Variants in ZNF275 observed in about 807,000 individuals in gnomAD.
ZNF275 encodes the protein zinc finger protein 275.
Under a neutral mutation model 4.3 loss-of-function variants are expected in ZNF275, and 4 were observed. That is an observed-to-expected ratio of 0.93 (90% CI 0.46 to 2.13). The LOEUF is 2.13. Among genes scored for constraint, ZNF275 ranks in the 30% most tolerant of loss-of-function variants. ZNF275 has a pLI of 0.02. For missense variants in ZNF275, 352 were observed against 397.1 expected (o/e 0.89, Z 0.97); for synonymous variants, 173 against 166.9 (o/e 1.04, Z -0.28).
Position 153,347,593 on chromosome X carries a change from G to T in ZNF275, c.908G>T (p.Arg303Leu). Residue 303 changes from arginine to leucine, a missense_variant, in exon 4 of 4, where the codon CGA becomes CTA. Arg to Leu is a moderately radical substitution (Grantham distance 102). Transcript: ENST00000650114. ...YGCPHCGKLF[R>L]RSSELTKHRR... is the part of the protein sequence containing the mutation. ...TGTCCCCACTGCGGCAAGCTCTTCC[G>T]AAGGAGCTCGGAGCTCACCAAGCAC... is the stretch of plus-strand genomic sequence containing the variant. The T allele has an allele frequency of 2.5e-6, 3 of 1,195,159 alleles. No individual in the cohort carries two copies. The highest frequency in any genetic ancestry group is 2.3e-6 in the Non-Finnish European group (2 of 888,217).
rs1556961962 is a variant in ZNF275, at chrX:153,348,464, T to C, written c.*489T>C. On this transcript the variant is annotated 3_prime_UTR_variant, in exon 4 of 4. Coordinates refer to ENST00000650114, the MANE Select transcript of ZNF275 (RefSeq NM_001367757.1). ...TGTCTTAAAATATTTAATTTATTAA[T>C]TTAGTTATACATACATACTGTAAAT... 8.1e-6 allele frequency: 1 copy of C among 123,386 alleles called. No individual in the cohort carries two copies. The highest frequency in any genetic ancestry group is 1.9e-5 in the Non-Finnish European group (1 of 53,350). 10.2% of individuals were successfully genotyped at this position (123,386 alleles called of 1,213,427 possible).
chrX:153,344,184 C>T (rs1556961276), intron 2 of ZNF275: 1 of 330,628 alleles, frequency 3.0e-6, no homozygotes, highest in African/African-American at 2.6e-5. Context: ...CAGGTCCTGG[C>T]AGTCCCTCTT....
Position 153,347,076 on chromosome X carries a change from T to C in ZNF275, c.391T>C (p.Cys131Arg). ...RVHSEEKGWE[C>R]GDCGKVFRGV... ...CCACAGTGAGGAGAAGGGCTGGGAA[T>C]GTGGCGACTGCGGGAAGGTCTTTAG... Residue 131 changes from cysteine (C) to arginine (R), a missense_variant, in exon 4 of 4, where the codon TGT becomes CGT. Coordinates refer to ENST00000650114, the MANE Select transcript of ZNF275 (RefSeq NM_001367757.1). 1 of 1,211,488 alleles carries C rather than the reference T, an allele frequency of 8.3e-7. No homozygotes were observed. The highest frequency in any genetic ancestry group is 1.1e-6 in the Non-Finnish European group (1 of 895,393).
At position 153,348,082 on chromosome X, in the gene ZNF275, G is replaced by A. The variant is rs2088532896; in HGVS notation, c.*107G>A. 1 of 836,031 alleles carries A rather than the reference G, an allele frequency of 1.2e-6. No individual in the cohort carries two copies. The highest frequency in any genetic ancestry group is 2.1e-5 in the African/African-American group (1 of 48,229). The allele number at this position is 836,031 out of a possible 1,213,427, so 68.9% of individuals were successfully genotyped here. On this transcript the variant is annotated 3_prime_UTR_variant, in exon 4 of 4. Transcript: ENST00000650114. Reference sequence around the variant, plus strand: ...GCTTATATATTTTGTCTTCCAAAAGGTTGAGACCGATTTATACTGCCACCA... The same window carrying A: ...GCTTATATATTTTGTCTTCCAAAAGATTGAGACCGATTTATACTGCCACCA...
At chrX:153,344,240 T>A (rs782802171) in intron 2 of ZNF275, 48 of 320,340 alleles carry the variant, frequency 1.5e-4, no homozygotes, top group African/African-American at 1.2e-3. Context: ...CTGCCTTGCT[T>A]GGGATTCTCT....
intron 1 of ZNF275, among the ~76,000 whole-genome samples, chrX:153,334,504 G>T (rs2088430920): frequency 9.0e-6 from 1 of 111,646 alleles, no homozygotes; most frequent in Admixed American, 9.3e-5. Flanking sequence ...GGCAGTTGGA[G>T]AGCTGCTCGG....
chrX:153,336,715 G>A lies in ZNF275; in HGVS notation c.31+5G>A, dbSNP rs782591488. 8.6e-7 allele frequency: 1 copy of A among 1,165,542 alleles called. No individual in the cohort carries two copies. Among genetic ancestry groups the A allele is most frequent in the Admixed American group, 2.6e-5 (1 of 38,508 alleles). The stretch of plus-strand genomic sequence containing the variant: ...ATCCGTGTGTGTCTCTTTTGGGTAA[G>A]TCTGGGTGTTTATGCATGGTGTCTG... On this transcript the variant is annotated splice_donor_5th_base_variant and intron_variant, in intron 2 of 3. Coordinates refer to ENST00000650114, the MANE Select transcript of ZNF275 (RefSeq NM_001367757.1).
chrX:153,335,422 C>CA (rs2088439369), intron 1 of ZNF275: 1 of 108,072 alleles, frequency 9.3e-6, no homozygotes, highest in South Asian at 4.3e-4. Flanking sequence ...CACCTTCCCC[C>CA]AACCCTGCAA....
At chrX:153,344,493 G>T (rs2088499133) in intron 2 of ZNF275, 3 of 309,032 alleles carry the variant, frequency 9.7e-6, no homozygotes, top group South Asian at 3.1e-5. Context: ...ATGGCCCAGG[G>T]ATCCTAGTGC....
intron 2 of ZNF275, among the ~76,000 whole-genome samples, chrX:153,341,311 A>T (rs2088478982): frequency 9.0e-6 from 1 of 110,725 alleles, no homozygotes; most frequent in Non-Finnish European, 1.9e-5. Flanking sequence ...CTTCTTTCAG[A>T]TTATTTTTAG....
rs782160473 is a variant in ZNF275, at chrX:153,347,243, C to T, written c.558C>T (p.Cys186=). The T allele has an allele frequency of 9.5e-5, 115 of 1,208,975 alleles. No individual in the cohort carries two copies. Among genetic ancestry groups the T allele is most frequent in the East Asian group, 5.0e-4 (17 of 33,717 alleles). The change falls in exon 4 of 4, where the codon TGC becomes TGT. Residue 186 remains cysteine, a synonymous_variant. Coordinates refer to ENST00000650114, the MANE Select transcript of ZNF275 (RefSeq NM_001367757.1). ...CAAAGCCCTTCGAGTGCGAGGAGTG[C>T]GGAAAACGGTTTAAGAAGAATGCAG... ...REAKPFECEE[C]GKRFKKNAGL...
chrX:153,336,802 G>A, intron 2 of ZNF275, 92 bp downstream of exon 2: 4 of 984,452 alleles, frequency 4.1e-6, no homozygotes, highest in Non-Finnish European at 5.6e-6. Context: ...ACATGGTGAG[G>A]AGTATCGTTT....
chrX:153,340,867 A>G (rs2088476795), intron 2 of ZNF275, among the ~76,000 whole-genome samples: 1 of 111,853 alleles, frequency 8.9e-6, no homozygotes, highest in African/African-American at 3.3e-5. Flanking sequence ...AAGGATTCAC[A>G]TTTTTGTCAT....
Position 153,346,893 on chromosome X carries a change from C to T in ZNF275, c.208C>T (p.Pro70Ser). The change falls in exon 4 of 4, where the codon CCA becomes TCA. Residue 70 changes from proline to serine, a missense_variant. Coordinates refer to ENST00000650114, the MANE Select transcript of ZNF275 (RefSeq NM_001367757.1). ...ACAGGAGATGGCGTCCACAAGCTTC[C>T]CAAGGGCCAGTGGTCCCAGTCCTGA... ...QPQEMASTSF[P>S]RASGPSPEFR... The T allele has an allele frequency of 8.3e-7, 1 of 1,210,364 alleles. No homozygotes were observed. Among genetic ancestry groups the T allele is most frequent in the East Asian group, 3.0e-5 (1 of 33,808 alleles).
rs1556961789 is a variant in ZNF275 at position 153,347,579 on chromosome X, C to T, written c.894C>T (p.Cys298=). The change falls in exon 4 of 4, where the codon TGC becomes TGT. Residue 298 remains cysteine (C), a synonymous_variant. Coordinates refer to ENST00000650114, the MANE Select transcript of ZNF275 (RefSeq NM_001367757.1). ...SGAKPYGCPH[C]GKLFRRSSEL... ...CCAAGCCATACGGGTGTCCCCACTG[C>T]GGCAAGCTCTTCCGAAGGAGCTCGG... 2.5e-6 allele frequency: 3 copies of T among 1,191,710 alleles called. No individual in the cohort carries two copies. Among genetic ancestry groups the T allele is most frequent in the Non-Finnish European group, 3.4e-6 (3 of 886,609 alleles).
chrX:153,345,450 C>A, intron 2 of ZNF275, 70 bp from the exon 3 acceptor site: 1 of 871,571 alleles, frequency 1.1e-6, no homozygotes, highest in Non-Finnish European at 1.7e-6. Context: ...AAAGGCCTTG[C>A]CTATGTTCCT....
At chrX:153,339,835 G>T (rs2088470042) in intron 2 of ZNF275, among the ~76,000 whole-genome samples, 1 of 111,338 alleles carries the variant, frequency 9.0e-6, no homozygotes, top group African/African-American at 3.3e-5. Context: ...CTGCGATGTG[G>T]CAGGGCAAGA....
chrX:153,344,976 C>G, intron 2 of ZNF275: 1 of 224,185 alleles, frequency 4.5e-6, no homozygotes, highest in East Asian at 1.1e-4. Context: ...CAGTCTTTTA[C>G]TGGGAAAGAA....
chrX:153,340,454 G>GT (rs2088474421), intron 2 of ZNF275, among the ~76,000 whole-genome samples: 2 of 112,729 alleles, frequency 1.8e-5, no homozygotes, highest in Non-Finnish European at 3.8e-5. Flanking sequence ...GAAATGCTGG[G>GT]TTTTTTACCC....
Sources: allele counts gnomAD v4.1 joint callset (sites outside exome capture counted in the v4.1 genomes callset), GRCh38; gene constraint gnomAD v4.1.1; transcripts MANE v1.5; gene names NCBI Gene and HGNC (gene_info 2026-07-23, HGNC 2026-07-21).